LRP5: variants seen among roughly 807,000 people sequenced by gnomAD.
LRP5 encodes LDL receptor related protein 5, also known as low-density lipoprotein receptor-related protein 5.
LRP5 carries 62 observed loss-of-function variants against 154.1 expected under a neutral mutation model. The ratio of observed to expected loss-of-function variants is 0.40; its 90% CI spans 0.33 to 0.50. LRP5 has a LOEUF of 0.50. LRP5 is among the 20% of genes least tolerant of loss of function. LRP5 has a pLI of 0.55. For synonymous variants in LRP5, 966 were observed against 1,011.5 expected (o/e 0.96, Z 0.85); for missense variants, 1,915 against 2,336.7 (o/e 0.82, Z 3.72).
intron 1 of LRP5, 149 bp from the exon 2 acceptor site, chr11:68,347,698 A>T: frequency 1.0e-6 from 1 of 972,072 alleles, no homozygotes; most frequent in Non-Finnish European, 1.6e-6. Flanking sequence ...CAACTTCCTG[A>T]CAACGCCTTA....
chr11:68,409,072 A>T (rs2098657523), intron 9 of LRP5, among the ~76,000 whole-genome samples: 1 of 40,368 alleles, frequency 2.5e-5, no homozygotes, highest in Non-Finnish European at 5.1e-5. Context: ...AAAAAAAAAA[A>T]AATATATATA....
At chr11:68,360,395 G>T (rs1361564712) in intron 3 of LRP5, among the ~76,000 whole-genome samples, 1 of 117,934 alleles carries the variant, frequency 8.5e-6, no homozygotes, top group Non-Finnish European at 1.7e-5. Flanking sequence ...CCCAGCCAGG[G>T]TTGGAACATA....
At chr11:68,346,708 G>A (rs1006014989) in intron 1 of LRP5, among the ~76,000 whole-genome samples, 1 of 152,212 alleles carries the variant, frequency 6.6e-6, no homozygotes, top group African/African-American at 2.4e-5. Context: ...TCAAGCCAAG[G>A]CTTCAGATGT....
At chr11:68,301,363 A>G in the LRP5 span, among the ~76,000 whole-genome samples, 1 of 148,532 alleles carries the variant, frequency 6.7e-6, no homozygotes, top group East Asian at 2.0e-4. Context: ...GGTCCCAGCT[A>G]CTTTGGGAGG....
chr11:68,389,511 G>A (rs1432877660), intron 6 of LRP5, among the ~76,000 whole-genome samples: 5 of 151,620 alleles, frequency 3.3e-5, no homozygotes, highest in Admixed American at 1.3e-4. Flanking sequence ...TACCAACACC[G>A]ACATTTACCA....
chr11:68,305,639 C>T, the LRP5 span, among the ~76,000 whole-genome samples: 1 of 152,056 alleles, frequency 6.6e-6, no homozygotes, highest in Non-Finnish European at 1.5e-5. Context: ...AATGGGGTTT[C>T]ACCATGTTGT....
chr11:68,407,906 G>A (rs1452197291), intron 9 of LRP5, among the ~76,000 whole-genome samples: 4 of 152,146 alleles, frequency 2.6e-5, no homozygotes, highest in Admixed American at 6.5e-5. Context: ...ATTGTCTGTG[G>A]CAGCTTTTGT....
At chr11:68,405,173 AAAG>A (rs1252356490) in intron 8 of LRP5, among the ~76,000 whole-genome samples, 1 of 151,938 alleles carries the variant, frequency 6.6e-6, no homozygotes, top group Non-Finnish European at 1.5e-5. Flanking sequence ...AAAAAAAAAA[AAAG>A]AACATTTATG....
At chr11:68,302,680 G>C in the LRP5 span, among the ~76,000 whole-genome samples, 1 of 152,196 alleles carries the variant, frequency 6.6e-6, no homozygotes, top group Admixed American at 6.5e-5. Flanking sequence ...TCTCAGGCCT[G>C]GCAAGAAAGG....
chr11:68,401,005 G>A (rs974573193), intron 7 of LRP5, among the ~76,000 whole-genome samples: 15 of 152,140 alleles, frequency 9.9e-5, no homozygotes, highest in African/African-American at 3.4e-4. Flanking sequence ...GTTCTGTGCC[G>A]ATGTCCCTCC....
At chr11:68,329,207 G>C (rs1468073554) in intron 1 of LRP5, among the ~76,000 whole-genome samples, 1 of 152,172 alleles carries the variant, frequency 6.6e-6, no homozygotes, top group African/African-American at 2.4e-5. Context: ...AATGTATCCT[G>C]CTTTAGAACA....
intron 2 of LRP5, among the ~76,000 whole-genome samples, chr11:68,356,939 C>CTTTTTT (rs1206842769): frequency 1.4e-5 from 2 of 142,014 alleles, no homozygotes; most frequent in African/African-American, 2.6e-5. Context: ...CTTTTCTTTT[C>CTTTTTT]TTTTTTTTTT....
At chr11:68,364,499 G>C (rs2098629874) in intron 4 of LRP5, among the ~76,000 whole-genome samples, 1 of 152,020 alleles carries the variant, frequency 6.6e-6, no homozygotes. Context: ...TGGGGTCACA[G>C]GTATGAGCCA....
intron 1 of LRP5, among the ~76,000 whole-genome samples, chr11:68,346,943 C>T (rs2098613481): frequency 1.3e-5 from 2 of 152,224 alleles, no homozygotes; most frequent in Non-Finnish European, 1.5e-5. Flanking sequence ...CCTGATTTCT[C>T]ATTGAGCCCG....
At chr11:68,301,552 C>A in the LRP5 span, among the ~76,000 whole-genome samples, 1 of 149,252 alleles carries the variant, frequency 6.7e-6, no homozygotes, top group Non-Finnish European at 1.5e-5. Context: ...CAAAAGAGAT[C>A]TCCTGAGAAC....
chr11:68,425,950 C>T (rs1223381911), intron 15 of LRP5, 28 bp from the exon 16 acceptor site: 1 of 1,599,848 alleles, frequency 6.3e-7, no homozygotes, highest in Admixed American at 1.7e-5. Context: ...GTCAGCACTG[C>T]TCAGGGGGGC....
rs753169711 is a variant in LRP5, at chr11:68,347,906, G to A, written c.151G>A (p.Val51Ile). The change falls in exon 2 of 23, where the codon GTC becomes ATC. Residue 51 changes from valine to isoleucine, a missense_variant. By Grantham distance (29) the Val-to-Ile change is conservative. This residue lies in a region of LRP5 where 773 missense variants were observed against 1,100.9 expected (regional missense o/e 0.70). Coordinates refer to ENST00000294304, the MANE Select transcript of LRP5 (RefSeq NM_002335.4). ...CGTACGGCTGGTGGACGCCGGCGGA[G>A]TCAAGCTGGAGTCCACCATCGTGGT... ...RDVRLVDAGG[V>I]KLESTIVVSG... 3.1e-6 allele frequency: 5 copies of A among 1,613,380 alleles called. No individual in the cohort carries two copies. Among genetic ancestry groups the A allele is most frequent in the Non-Finnish European group, 4.2e-6 (5 of 1,180,032 alleles).
At chr11:68,433,557 G>C in intron 17 of LRP5, 45 bp from the exon 18 acceptor site, 1 of 1,541,294 alleles carries the variant, frequency 6.5e-7, no homozygotes, top group Non-Finnish European at 9.0e-7. Context: ...CCTGGGTTTT[G>C]CTGGGCGGGG....
intron 1 of LRP5, among the ~76,000 whole-genome samples, chr11:68,341,056 G>GTTTTTTTTTTTT (rs1466472469): frequency 1.9e-5 from 1 of 51,458 alleles, no homozygotes; most frequent in South Asian, 3.5e-4. Flanking sequence ...GCTGGAGATT[G>GTTTTTTTTTTTT]TTCTTTTTTT....
Sources: allele counts gnomAD v4.1 joint callset (sites outside exome capture counted in the v4.1 genomes callset), GRCh38; gene constraint gnomAD v4.1.1; regional missense constraint gnomAD v4.1.1; transcripts MANE v1.5; gene names NCBI Gene and HGNC (gene_info 2026-07-23, HGNC 2026-07-21).